Variants in RTL9 observed in about 807,000 individuals in gnomAD.
RTL9 encodes retrotransposon Gag-like protein 9.
Under a neutral mutation model 44.7 loss-of-function variants are expected in RTL9, and 19 were observed. That is an observed-to-expected ratio of 0.42 (90% CI 0.30 to 0.62). RTL9 has a LOEUF of 0.62. Ranked by LOEUF, RTL9 falls within the 20% of genes least tolerant of loss-of-function variation. The pLI, the probability that RTL9 is intolerant of heterozygous loss-of-function variation, is 0.16. For missense variants in RTL9, 1,105 were observed against 1,080.6 expected, an observed-to-expected ratio of 1.02 and a Z score of -0.32; for synonymous variants, 407 against 398.9, an observed-to-expected ratio of 1.02 and a Z score of -0.24.
exon 1 of RTL9, chrX:110,454,449 C>T: frequency 8.3e-7 from 1 of 1,211,727 alleles, no homozygotes; most frequent in Non-Finnish European, 1.1e-6. Context: ...TCTGGAAGGA[C>T]TCTCAGAAGC....
upstream of RTL9, among the ~76,000 whole-genome samples, chrX:110,447,111 CTTT>C (rs1181988453): frequency 2.4e-4 from 9 of 36,833 alleles, no homozygotes; most frequent in African/African-American, 1.2e-3. Flanking sequence ...TATTCTGTGA[CTTT>C]TTTTTTTTTT....
chrX:110,370,915 T>C (rs1457248167), intron 1 of RTL9, among the ~76,000 whole-genome samples: 3 of 112,407 alleles, frequency 2.7e-5, no homozygotes, highest in Admixed American at 1.9e-4. Flanking sequence ...TCACATCTTC[T>C]GCACTCTATC....
At chrX:110,393,148 A>T (rs1450851193) in intron 1 of RTL9, among the ~76,000 whole-genome samples, 2 of 111,291 alleles carry the variant, frequency 1.8e-5, no homozygotes, top group African/African-American at 6.5e-5. Flanking sequence ...AACTTAAGAG[A>T]GCTGATTGTG....
intron 1 of RTL9, among the ~76,000 whole-genome samples, chrX:110,360,014 G>A (rs1303614216): frequency 8.9e-6 from 1 of 112,158 alleles, no homozygotes. Context: ...GAAAAGCATA[G>A]TATTTGTAAA....
intron 1 of RTL9, among the ~76,000 whole-genome samples, chrX:110,360,644 C>A (rs1189125606): frequency 1.8e-5 from 2 of 111,430 alleles, no homozygotes; most frequent in African/African-American, 3.3e-5. Flanking sequence ...AATAGTGATG[C>A]CATTCTTTAA....
chrX:110,450,799 C>T (rs777670576), exon 1 of RTL9: 1 of 1,211,603 alleles, frequency 8.3e-7, no homozygotes, highest in Non-Finnish European at 1.1e-6. Flanking sequence ...CCTGGAGGGA[C>T]ATCCACACAG....
intron 1 of RTL9, among the ~76,000 whole-genome samples, chrX:110,386,032 G>A (rs1424131458): frequency 1.8e-5 from 2 of 112,025 alleles, no homozygotes; most frequent in African/African-American, 6.5e-5. Context: ...TTTATCAGTT[G>A]ATTGACATTT....
chrX:110,432,942 G>A (rs2068808759), intron 1 of RTL9, among the ~76,000 whole-genome samples: 1 of 112,720 alleles, frequency 8.9e-6, no homozygotes, highest in Admixed American at 9.3e-5. Context: ...TCAGGGAGGT[G>A]GAGAGATTTG....
chrX:110,453,359 A>T (rs1177745528), exon 1 of RTL9: 1 of 1,211,521 alleles, frequency 8.3e-7, no homozygotes, highest in South Asian at 1.8e-5. Context: ...CCACACCACT[A>T]AGGAGACCCT....
Position 110,426,913 on chromosome X carries a change from G to A in RTL9, c.-168+7778G>A, listed in dbSNP as rs1312274127. The A allele has an allele frequency of 3.6e-5, 4 of 112,341 alleles. No individual in the cohort carries two copies. In the East Asian group the frequency reaches 1.1e-3, roughly 31 times the overall value. 9.3% of individuals were successfully genotyped at this position (112,341 alleles called of 1,213,427 possible). ...CCCCCTCTCCCATGTCCTACCCTAA[G>A]CCTGGTAACACATTTAACTTTTTGT... On this transcript the variant is annotated intron_variant, in intron 1 of 3. Transcript: ENST00000465301.
intron 1 of RTL9, among the ~76,000 whole-genome samples, chrX:110,438,914 A>G (rs144185179): frequency 8.4e-4 from 94 of 112,151 alleles, no homozygotes; most frequent in African/African-American, 2.8e-3. Context: ...ATTCTTATTC[A>G]TGGCTGAGGG....
At chrX:110,367,911 G>A (rs1386990038) in intron 1 of RTL9, among the ~76,000 whole-genome samples, 1 of 108,756 alleles carries the variant, frequency 9.2e-6, no homozygotes, top group Non-Finnish European at 1.9e-5. Flanking sequence ...TGGGCTCAAG[G>A]GATCCTCCCA....
intron 1 of RTL9, among the ~76,000 whole-genome samples, chrX:110,428,763 C>G (rs2068773186): frequency 8.9e-6 from 1 of 111,959 alleles, no homozygotes; most frequent in East Asian, 2.8e-4. Flanking sequence ...ATACCTCCCC[C>G]CATTCCCCTA....
At chrX:110,371,153 A>G (rs769537044) in intron 1 of RTL9, among the ~76,000 whole-genome samples, 14 of 111,571 alleles carry the variant, frequency 1.3e-4, no homozygotes, top group Non-Finnish European at 3.8e-5. Context: ...AGAGGAACAT[A>G]CAGAGAGTTC....
At chrX:110,443,770 A>C (rs1036037039) in intron 1 of RTL9, among the ~76,000 whole-genome samples, 3 of 112,260 alleles carry the variant, frequency 2.7e-5, no homozygotes, top group Non-Finnish European at 5.6e-5. Flanking sequence ...AACTGTAGAA[A>C]CTCAGTGCTC....
At chrX:110,394,325 A>G (rs1400921241) in intron 1 of RTL9, among the ~76,000 whole-genome samples, 5 of 111,294 alleles carry the variant, frequency 4.5e-5, no homozygotes, top group Non-Finnish European at 1.9e-5. Context: ...ATCACGGCTC[A>G]CTGCAGCCTC....
exon 2 of RTL9, chrX:110,455,987 C>G (rs2068978580): frequency 8.9e-6 from 1 of 112,756 alleles, no homozygotes. Context: ...ACAACTTGTT[C>G]TTGTGTTGTC....
chrX:110,455,878 G>GTGAT (rs2068978021), exon 2 of RTL9: 1 of 112,717 alleles, frequency 8.9e-6, no homozygotes, highest in African/African-American at 3.2e-5. Context: ...CATAATAATA[G>GTGAT]TGATAGTATA....
intron 1 of RTL9, chrX:110,426,672 G>A (rs1308932370): frequency 8.9e-6 from 1 of 112,070 alleles, no homozygotes; most frequent in Non-Finnish European, 1.9e-5. Context: ...AGTAATTCCA[G>A]AGGAGCAGGC....
Sources: gnomAD v4.1 joint callset for allele counts (sites outside exome capture counted in the v4.1 genomes callset) on GRCh38, gnomAD v4.1.1 for gene constraint, MANE v1.5 for transcripts, NCBI Gene and HGNC (gene_info 2026-07-23, HGNC 2026-07-21) for gene names.